Variants in DCAF6 observed in about 807,000 individuals in gnomAD.
DCAF6 encodes DDB1 and CUL4 associated factor 6, also known as DDB1- and CUL4-associated factor 6.
DCAF6 carries 54 observed loss-of-function variants against 125.1 expected under a neutral mutation model. The observed-to-expected ratio is 0.43, with a 90% CI of 0.35 to 0.54. DCAF6 has a LOEUF of 0.54. DCAF6 is among the 20% of genes least tolerant of loss of function. DCAF6 has a pLI of 0.01. For missense variants in DCAF6, 934 were observed against 1,161.7 expected (o/e 0.80, Z 2.85); for synonymous variants, 371 against 390.4 (o/e 0.95, Z 0.58).
chr1:167,943,539 A>C (rs530592099), intron 1 of DCAF6, among the ~76,000 whole-genome samples: 2 of 152,114 alleles, frequency 1.3e-5, no homozygotes, highest in African/African-American at 4.8e-5. Flanking sequence ...TATTTGTACA[A>C]ATTTATGGGT....
chr1:167,930,815 T>C (rs573457674), upstream of DCAF6, among the ~76,000 whole-genome samples: 1 of 152,358 alleles, frequency 6.6e-6, no homozygotes, highest in African/African-American at 2.4e-5. Flanking sequence ...GACCTGGAAA[T>C]GATAAACTAT....
intron 1 of DCAF6, among the ~76,000 whole-genome samples, chr1:167,940,646 G>T (rs1196830496): frequency 6.6e-6 from 1 of 152,084 alleles, no homozygotes; most frequent in Non-Finnish European, 1.5e-5. Context: ...TAGCCACACA[G>T]ATTTTATTAT....
At chr1:167,886,276 C>CA in the DCAF6 span, among the ~76,000 whole-genome samples, 709 of 152,292 alleles carry the variant, frequency 4.7e-3, 9 homozygotes, top group East Asian at 0.058. Context: ...CTGGAGGCAT[C>CA]ATGCTACCTG....
the DCAF6 span, among the ~76,000 whole-genome samples, chr1:167,868,904 C>G: frequency 1.3e-5 from 2 of 152,144 alleles, no homozygotes; most frequent in Non-Finnish European, 2.9e-5. Context: ...ACTAATAAAA[C>G]CAGTCAAGCC....
the DCAF6 span, among the ~76,000 whole-genome samples, chr1:167,888,266 T>C: frequency 6.6e-6 from 1 of 152,208 alleles, no homozygotes; most frequent in African/African-American, 2.4e-5. Context: ...CTGGGTCTTT[T>C]GTGGTTCCAT....
the DCAF6 span, among the ~76,000 whole-genome samples, chr1:167,883,836 A>C: frequency 6.6e-6 from 1 of 152,216 alleles, no homozygotes; most frequent in African/African-American, 2.4e-5. Context: ...TGCATGTGCT[A>C]ATTTTTGGCC....
the DCAF6 span, chr1:167,901,824 C>G: frequency 6.2e-7 from 1 of 1,614,168 alleles, no homozygotes; most frequent in Non-Finnish European, 8.5e-7. Context: ...AGAGACATGC[C>G]GCGGGCTTTT....
chr1:168,064,079 A>ATTTTTTTTTT (rs11295034), intron 18 of DCAF6: 4 of 92,414 alleles, frequency 4.3e-5, no homozygotes, highest in Non-Finnish European at 6.3e-5. Context: ...TTTCTGGTGG[A>ATTTTTTTTTT]TTTTTTTTTT....
intron 16 of DCAF6, among the ~76,000 whole-genome samples, chr1:168,046,820 A>G (rs1689201574): frequency 6.6e-6 from 1 of 152,146 alleles, no homozygotes; most frequent in Admixed American, 6.6e-5. Flanking sequence ...AAGCTTGTAC[A>G]TTTATGGCCT....
the DCAF6 span, among the ~76,000 whole-genome samples, chr1:167,864,890 A>G: frequency 4.5e-5 from 6 of 134,372 alleles, no homozygotes; most frequent in Admixed American, 3.5e-4. Context: ...CTGCTTTGCT[A>G]ACAGGAAAAA....
At chr1:167,893,660 C>A in the DCAF6 span, among the ~76,000 whole-genome samples, 148 of 131,422 alleles carry the variant, frequency 1.1e-3, 1 homozygote, top group East Asian at 0.028. Context: ...CATGCTGCTG[C>A]ACTTCAGCCT....
the DCAF6 span, among the ~76,000 whole-genome samples, chr1:167,901,080 G>A: frequency 6.6e-6 from 1 of 152,160 alleles, no homozygotes; most frequent in South Asian, 2.1e-4. Context: ...TCTCAGGACT[G>A]TCATATAGTG....
the DCAF6 span, among the ~76,000 whole-genome samples, chr1:167,894,259 C>T: frequency 1.3e-5 from 2 of 152,074 alleles, no homozygotes; most frequent in Non-Finnish European, 2.9e-5. Flanking sequence ...TGGGAACAAA[C>T]AAATGAGGGA....
At chr1:168,035,453 A>G (rs1023828184) in intron 12 of DCAF6, among the ~76,000 whole-genome samples, 2 of 152,180 alleles carry the variant, frequency 1.3e-5, no homozygotes, top group Non-Finnish European at 2.9e-5. Flanking sequence ...TCTCAAAACA[A>G]AAACAAAAAC....
chr1:167,871,183 A>G, the DCAF6 span, among the ~76,000 whole-genome samples: 1 of 152,272 alleles, frequency 6.6e-6, no homozygotes, highest in African/African-American at 2.4e-5. Context: ...ACAATTATGG[A>G]TAAAATATTT....
At chr1:167,975,786 C>A (rs56745269) in intron 4 of DCAF6, among the ~76,000 whole-genome samples, 4,575 of 152,272 alleles carry the variant, frequency 0.03, 236 homozygotes, top group African/African-American at 0.1. Flanking sequence ...CTCCTGAGTT[C>A]ATACAATCCT....
At chr1:168,018,796 G>T (rs1268801390) in intron 11 of DCAF6, among the ~76,000 whole-genome samples, 1 of 152,042 alleles carries the variant, frequency 6.6e-6, no homozygotes, top group East Asian at 1.9e-4. Context: ...TAACCAAAAA[G>T]AAATGAATTT....
chr1:167,993,484 T>A, intron 7 of DCAF6, 44 bp downstream of exon 7: 1 of 1,540,678 alleles, frequency 6.5e-7, no homozygotes, highest in Non-Finnish European at 8.9e-7. Context: ...GCGCGGTGGC[T>A]CACGCCTGTA....
chr1:167,904,846 CCT>C, the DCAF6 span: 24 of 1,022,578 alleles, frequency 2.3e-5, no homozygotes, highest in Non-Finnish European at 3.6e-5. Flanking sequence ...CTATTTCCTC[CCT>C]CTTGTGTTCT....
Sources: allele counts gnomAD v4.1 joint callset (sites outside exome capture counted in the v4.1 genomes callset), GRCh38; gene constraint gnomAD v4.1.1; transcripts MANE v1.5; gene names NCBI Gene and HGNC (gene_info 2026-07-23, HGNC 2026-07-21).